Variants in NOVA2 observed in about 807,000 individuals in gnomAD.
The protein encoded by NOVA2 is NOVA alternative splicing regulator 2.
Under a neutral mutation model 22.5 loss-of-function variants are expected in NOVA2, and 9 were observed. The ratio of observed to expected loss-of-function variants is 0.40; its 90% CI spans 0.24 to 0.70. The LOEUF is 0.70. NOVA2 is among the 30% of genes least tolerant of loss of function. The pLI is 0.38. For missense variants in NOVA2, 383 were observed against 682.8 expected (o/e 0.56, Z 4.89); for synonymous variants, 318 against 335.2 (o/e 0.95, Z 0.56).
chr19:45,952,068 T>C (rs1018240470), intron 3 of NOVA2, among the ~76,000 whole-genome samples: 4 of 152,166 alleles, frequency 2.6e-5, no homozygotes, highest in Admixed American at 2.0e-4. Flanking sequence ...GCTGCTGCAC[T>C]GTAATAAAAG....
At position 45,940,109 on chromosome 19, in the gene NOVA2, A is replaced by C. The variant is rs1967723017; in HGVS notation, c.1233T>G (p.Ile411Met). The C allele has an allele frequency of 6.2e-7, 1 of 1,612,876 alleles. No homozygotes were observed. Among genetic ancestry groups the C allele is most frequent in the Non-Finnish European group, 8.5e-7 (1 of 1,179,720 alleles). ...AAESAKELVEIAVPENLVGAI... is the reference protein window; with the variant it reads ...AAESAKELVEMAVPENLVGAI... ...CTCCCACCAGGTTCTCAGGCACCGCAATCTCCACCAGCTCCTTGGCACTCT... is the reference window on the plus strand; with the variant it reads ...CTCCCACCAGGTTCTCAGGCACCGCCATCTCCACCAGCTCCTTGGCACTCT... The change falls in exon 4 of 4, where the codon ATT becomes ATG. Residue 411 changes from isoleucine to methionine, a missense_variant. Around this residue, in one of 2 missense-constraint regions of NOVA2, gnomAD observed 349 missense variants for 578.1 expected, o/e 0.60. Coordinates refer to ENST00000263257, the MANE Select transcript of NOVA2 (RefSeq NM_002516.4).
Position 45,969,631 on chromosome 19 carries a change from G to T in NOVA2, c.85+3636C>A, listed in dbSNP as rs1021127869. On this transcript the variant is annotated intron_variant, in intron 1 of 3. Coordinates refer to ENST00000263257, the MANE Select transcript of NOVA2 (RefSeq NM_002516.4). ...TGTATATGGGTTTTTATTTTGGGGG[G>T]GTTGACAGAGGTGGGAATATAGTCA... is the stretch of plus-strand genomic sequence containing the variant. 3.9e-5 allele frequency among the ~76,000 whole-genome samples: 6 copies of T among 151,958 alleles called. No homozygotes were observed. The East Asian group carries it at 9.6e-4, about 24-fold the overall frequency.
At position 45,936,020 on chromosome 19, in the gene NOVA2, C is replaced by T. The variant is rs575957790; in HGVS notation, c.*3843G>A. 1.3e-5 allele frequency: 2 copies of T among 152,400 alleles called. No individual in the cohort carries two copies. Among genetic ancestry groups the T allele is most frequent in the Admixed American group, 6.5e-5 (1 of 15,300 alleles). The allele number at this position is 152,400 out of a possible 1,614,324, so 9.4% of individuals were successfully genotyped here. A position where few individuals can be genotyped will look rare whatever the true frequency, so the allele number is the denominator to read the frequency against. On this transcript the variant is annotated 3_prime_UTR_variant, in exon 4 of 4. Transcript: ENST00000263257. ...CAAAATCATTGTCTTCTGATCACCA[C>T]CCCTACTAATTATTGCAGTGAAGCC...
chr19:45,937,830 T>C lies in NOVA2; in HGVS notation c.*2033A>G, dbSNP rs1967678409. 1.3e-5 allele frequency: 2 copies of C among 152,102 alleles called. No homozygotes were observed. The highest frequency in any genetic ancestry group is 4.8e-5 in the African/African-American group (2 of 41,406). The allele number at this position is 152,102 out of a possible 1,614,324, so 9.4% of individuals were successfully genotyped here. A position where few individuals can be genotyped will look rare whatever the true frequency, so the allele number is the denominator to read the frequency against. ...AGGTACCTCGAAGGCTATTGCTTTC[T>C]AGGGATTTTCACATTTTGATTTGGG... On this transcript the variant is annotated 3_prime_UTR_variant, in exon 4 of 4. Coordinates refer to ENST00000263257, the MANE Select transcript of NOVA2 (RefSeq NM_002516.4).
At chr19:45,942,829 C>T (rs1967779856) in intron 3 of NOVA2, among the ~76,000 whole-genome samples, 1 of 152,030 alleles carries the variant, frequency 6.6e-6, no homozygotes, top group African/African-American at 2.4e-5. Context: ...CCTTTTGCAC[C>T]TCCGAGAGCA....
chr19:45,940,557 C>A lies in NOVA2; in HGVS notation c.785G>T (p.Gly262Val). 1 of 1,467,040 alleles carries A rather than the reference C, an allele frequency of 6.8e-7. No homozygotes were observed. The highest frequency in any genetic ancestry group is 1.3e-5 in the South Asian group (1 of 76,748). 90.9% of individuals were successfully genotyped at this position (1,467,040 alleles called of 1,614,324 possible). A position where few individuals can be genotyped will look rare whatever the true frequency, so the allele number is the denominator to read the frequency against. ...GGCGGGCAGCGCGGCGGGAAAGGCC[C>A]CCACGCCAGCCAGCCCGGCGGGGCC... ...LLGPAGLAGV[G>V]AFPAALPAFS... The change falls in exon 4 of 4, where the codon GGG becomes GTG. Residue 262 changes from glycine to valine, a missense_variant. Around this residue, in one of 2 missense-constraint regions of NOVA2, gnomAD observed 349 missense variants for 578.1 expected, o/e 0.60. Coordinates refer to ENST00000263257, the MANE Select transcript of NOVA2 (RefSeq NM_002516.4).
At chr19:45,966,504 G>T (rs972037037) in intron 1 of NOVA2, among the ~76,000 whole-genome samples, 2 of 151,994 alleles carry the variant, frequency 1.3e-5, no homozygotes, top group Admixed American at 6.6e-5. Flanking sequence ...CTGGGCTCAA[G>T]GGATCTGCTC....
At chr19:45,972,135 T>C (rs1968240466) in intron 1 of NOVA2, among the ~76,000 whole-genome samples, 2 of 152,048 alleles carry the variant, frequency 1.3e-5, no homozygotes, top group Middle Eastern at 3.4e-3. Flanking sequence ...CTGGGTGTCA[T>C]ATGCACACGT....
chr19:45,964,585 T>TCTCTC (rs1398689110), intron 1 of NOVA2, among the ~76,000 whole-genome samples: 399 of 17,450 alleles, frequency 0.023, 2 homozygotes, highest in South Asian at 0.14. Flanking sequence ...CTCTCTCTCT[T>TCTCTC]TCTCTTTCTC....
At position 45,964,348 on chromosome 19, in the gene NOVA2, T is replaced by TTTTGTGTG. The variant is rs1245062277; in HGVS notation, c.86-3196_86-3195insCACACAAA. 5.0e-5 allele frequency among the ~76,000 whole-genome samples: 6 copies of TTTTGTGTG among 119,570 alleles called. No individual in the cohort carries two copies. The East Asian group carries it at 1.5e-3, about 30-fold the overall frequency. The allele number at this position is 119,570 out of a possible 152,430, so 78.4% of individuals were successfully genotyped here. ...GTGCCCACAACCATGCCCGGCTAAT[T>TTTTGTGTG]TGTGTGTGTGTGTGTGTGTGTGTGT... On this transcript the variant is annotated intron_variant, in intron 1 of 3. Coordinates refer to ENST00000263257, the MANE Select transcript of NOVA2 (RefSeq NM_002516.4).
chr19:45,952,776 G>T (rs1174378730), intron 3 of NOVA2, among the ~76,000 whole-genome samples: 1 of 152,182 alleles, frequency 6.6e-6, no homozygotes, highest in Non-Finnish European at 1.5e-5. Flanking sequence ...CAAGCCCTGC[G>T]GTCTTTTTTG....
chr19:45,959,814 C>CAGAGAGGGAG (rs1385162829), intron 2 of NOVA2, among the ~76,000 whole-genome samples: 1 of 107,914 alleles, frequency 9.3e-6, no homozygotes, highest in East Asian at 2.5e-4. Flanking sequence ...GAGAGAGAGA[C>CAGAGAGGGAG]AGAGAGGGAG....
At chr19:45,973,227 C>T in intron 1 of NOVA2, 40 bp downstream of exon 1, 1 of 1,303,792 alleles carries the variant, frequency 7.7e-7, no homozygotes, top group Admixed American at 2.5e-5. Flanking sequence ...GGCGAGGCCC[C>T]CTGCCCGCTC....
At chr19:45,954,500 G>A (rs1042000259) in intron 2 of NOVA2, among the ~76,000 whole-genome samples, 5 of 152,084 alleles carry the variant, frequency 3.3e-5, no homozygotes, top group African/African-American at 1.2e-4. Context: ...GGAGAGGATG[G>A]GGGAAGAGCT....
chr19:45,941,740 A>T (rs1319087102), intron 3 of NOVA2, among the ~76,000 whole-genome samples: 3 of 152,124 alleles, frequency 2.0e-5, no homozygotes, highest in Non-Finnish European at 4.4e-5. Context: ...CTAACATTAA[A>T]ATTTTTTTTA....
chr19:45,959,149 C>T (rs543174357), intron 2 of NOVA2, among the ~76,000 whole-genome samples: 1 of 152,338 alleles, frequency 6.6e-6, no homozygotes, highest in East Asian at 1.9e-4. Context: ...GGGTGTCACG[C>T]CAGGAGTGGA....
intron 3 of NOVA2, among the ~76,000 whole-genome samples, chr19:45,951,105 C>T (rs1967918436): frequency 6.6e-6 from 1 of 152,162 alleles, no homozygotes. Context: ...TGGTATAACC[C>T]AGAAGTGGCA....
chr19:45,972,940 G>C (rs536822285), intron 1 of NOVA2, among the ~76,000 whole-genome samples: 1 of 151,792 alleles, frequency 6.6e-6, no homozygotes, highest in Non-Finnish European at 1.5e-5. Context: ...CCCCTGCTCC[G>C]AAAGGGTCAC....
intron 3 of NOVA2, among the ~76,000 whole-genome samples, chr19:45,943,240 G>A (rs1967787922): frequency 6.6e-6 from 1 of 151,364 alleles, no homozygotes. Flanking sequence ...ATTTTTAGTA[G>A]AGACAGGGTT....
Sources: gnomAD v4.1 joint callset for allele counts (sites outside exome capture counted in the v4.1 genomes callset) on GRCh38, gnomAD v4.1.1 for gene constraint, gnomAD v4.1.1 regional missense constraint, MANE v1.5 for transcripts, NCBI Gene and HGNC (gene_info 2026-07-23, HGNC 2026-07-21) for gene names.